The following TMEM196 variants were observed in gnomAD, a reference collection of about 807,000 sequenced individuals.
TMEM196 encodes the protein transmembrane protein 196.
A neutral mutation model predicts 20.0 loss-of-function variants in TMEM196; 17 were observed. The ratio of observed to expected loss-of-function variants is 0.85; its 90% CI spans 0.58 to 1.27. The LOEUF (loss-of-function observed/expected upper bound fraction) is 1.27. Among genes scored for constraint, TMEM196 ranks in the 50% most tolerant of loss-of-function variants. TMEM196 has a pLI of 0.00. For missense variants in TMEM196, 267 were observed against 223.0 expected, an observed-to-expected ratio of 1.20 and a Z score of -1.26; for synonymous variants, 113 against 88.9, an observed-to-expected ratio of 1.27 and a Z score of -1.52.
chr7:19,762,517 T>C (rs1351632383), intron 1 of TMEM196, among the ~76,000 whole-genome samples: 2 of 152,162 alleles, frequency 1.3e-5, no homozygotes, highest in Admixed American at 6.6e-5. Flanking sequence ...AGTGTATTTA[T>C]GTAACTTAAA....
At chr7:19,752,994 T>C (rs1785052442) in intron 1 of TMEM196, among the ~76,000 whole-genome samples, 1 of 152,148 alleles carries the variant, frequency 6.6e-6, no homozygotes, top group South Asian at 2.1e-4. Context: ...CCAAGCCAAT[T>C]TGACAACTGG....
intron 1 of TMEM196, among the ~76,000 whole-genome samples, chr7:19,736,601 A>G (rs981102643): frequency 1.1e-4 from 17 of 151,620 alleles, no homozygotes; most frequent in African/African-American, 4.1e-4. Flanking sequence ...AAGGTACAGA[A>G]TCCATTTCCC....
At chr7:19,757,346 T>TTC (rs1462539225) in intron 1 of TMEM196, among the ~76,000 whole-genome samples, 1 of 143,812 alleles carries the variant, frequency 7.0e-6, no homozygotes, top group Non-Finnish European at 1.5e-5. Flanking sequence ...GCTTTTTTTT[T>TTC]TTTTTTTTTT....
intron 4 of TMEM196, among the ~76,000 whole-genome samples, chr7:19,722,569 C>T (rs527684551): frequency 1.1e-4 from 17 of 152,124 alleles, no homozygotes; most frequent in Non-Finnish European, 2.2e-4. Context: ...TTGCTAAGAA[C>T]AGAAAAAGGC....
At chr7:19,744,425 A>G (rs893797450) in intron 1 of TMEM196, among the ~76,000 whole-genome samples, 4 of 152,194 alleles carry the variant, frequency 2.6e-5, no homozygotes, top group African/African-American at 9.6e-5. Context: ...AAGCAAAAAG[A>G]TTAAGCCTGA....
chr7:19,772,549 C>G lies in TMEM196; in HGVS notation c.147+1G>C, dbSNP rs556037054. The stretch of plus-strand genomic sequence containing the variant: ...CAACGTACACACACCCCGCTCCATA[C>G]CGGGGACGAGTCTCCGAGCTGCGGC... On this transcript the variant is annotated splice_donor_variant, in intron 1 of 4. Coordinates refer to ENST00000405844, the MANE Select transcript of TMEM196 (RefSeq NM_001363562.2). LOFTEE classifies it high-confidence loss of function. 57 of 1,541,918 alleles carry G rather than the reference C, an allele frequency of 3.7e-5. No individual in the cohort carries two copies. The South Asian group carries it at 4.2e-4, about 11-fold the overall frequency.
chr7:19,741,270 G>C (rs1333937536), intron 1 of TMEM196, among the ~76,000 whole-genome samples: 1 of 152,126 alleles, frequency 6.6e-6, no homozygotes, highest in Non-Finnish European at 1.5e-5. Flanking sequence ...TCATCTACTT[G>C]TTATATCCAG....
chr7:19,730,269 A>G (rs1220420100), intron 1 of TMEM196, among the ~76,000 whole-genome samples: 2 of 152,014 alleles, frequency 1.3e-5, no homozygotes, highest in Admixed American at 6.6e-5. Context: ...AAAGAAAAAA[A>G]AAAAAAAGAA....
chr7:19,738,743 C>T (rs936193261), intron 1 of TMEM196, among the ~76,000 whole-genome samples: 1 of 151,894 alleles, frequency 6.6e-6, no homozygotes, highest in Non-Finnish European at 1.5e-5. Context: ...CCAATGTGTA[C>T]AATAAATATC....
At chr7:19,752,577 G>A (rs921143055) in intron 1 of TMEM196, among the ~76,000 whole-genome samples, 2 of 150,994 alleles carry the variant, frequency 1.3e-5, no homozygotes, top group Non-Finnish European at 3.0e-5. Context: ...TTATTTTCTC[G>A]TTCAATTTTT....
intron 1 of TMEM196, among the ~76,000 whole-genome samples, chr7:19,746,081 C>T (rs1352212857): frequency 6.6e-6 from 1 of 152,050 alleles, no homozygotes; most frequent in African/African-American, 2.4e-5. Context: ...TGTTCTTTGA[C>T]CTACCTGGGA....
chr7:19,740,763 G>T (rs1053426017), intron 1 of TMEM196, among the ~76,000 whole-genome samples: 5 of 152,008 alleles, frequency 3.3e-5, no homozygotes, highest in African/African-American at 1.2e-4. Context: ...GGTTTTGCAT[G>T]TGGAATTGAA....
chr7:19,753,476 C>T (rs1473633132), intron 1 of TMEM196, among the ~76,000 whole-genome samples: 3 of 152,224 alleles, frequency 2.0e-5, no homozygotes, highest in Middle Eastern at 6.8e-3. Flanking sequence ...ATCTTTTCAA[C>T]CCATGTTTTT....
At position 19,721,445 on chromosome 7, in the gene TMEM196, T is replaced by C. The variant is rs959733335; in HGVS notation, c.*683A>G. 6.6e-6 allele frequency: 1 copy of C among 152,124 alleles called. No individual in the cohort carries two copies. Among genetic ancestry groups the C allele is most frequent in the Non-Finnish European group, 1.5e-5 (1 of 67,964 alleles). The allele number at this position is 152,124 out of a possible 1,614,324, so 9.4% of individuals were successfully genotyped here. A position where few individuals can be genotyped will look rare whatever the true frequency, so the allele number is the denominator to read the frequency against. On this transcript the variant is annotated 3_prime_UTR_variant, in exon 5 of 5. Transcript: ENST00000405844. ...AAAACATGTTTATTTTCTTAAATGA[T>C]ATTCACATATAACTTTTCACTCTTT... is the stretch of plus-strand genomic sequence containing the variant.
chr7:19,766,866 C>A (rs1354256497), intron 1 of TMEM196, among the ~76,000 whole-genome samples: 1 of 151,984 alleles, frequency 6.6e-6, no homozygotes, highest in Non-Finnish European at 1.5e-5. Context: ...TAGTTTGGTT[C>A]TATTCAAAGT....
At chr7:19,728,470 T>C (rs1432796922) in intron 2 of TMEM196, among the ~76,000 whole-genome samples, 1 of 152,172 alleles carries the variant, frequency 6.6e-6, no homozygotes, top group Non-Finnish European at 1.5e-5. Context: ...CAGTGAGGGC[T>C]TTAGCCTTTT....
chr7:19,725,801 G>A, intron 2 of TMEM196, 33 bp from the exon 3 acceptor site: 1 of 1,558,474 alleles, frequency 6.4e-7, no homozygotes, highest in East Asian at 2.3e-5. Flanking sequence ...CGTTAAAGTT[G>A]AAAAGGCAAA....
chr7:19,723,312 C>T (rs916106912), intron 4 of TMEM196, among the ~76,000 whole-genome samples: 20 of 151,582 alleles, frequency 1.3e-4, no homozygotes, highest in African/African-American at 4.8e-4. Flanking sequence ...TCCTGTTTTA[C>T]CTACTAGGAG....
In TMEM196 at chr7:19,719,818, A is replaced by G. The variant is rs1783756683; in HGVS notation, c.*2310T>C. 6.6e-6 allele frequency: 1 copy of G among 152,154 alleles called. No individual in the cohort carries two copies. The highest frequency in any genetic ancestry group is 1.5e-5 in the Non-Finnish European group (1 of 67,968). 9.4% of individuals were successfully genotyped at this position (152,154 alleles called of 1,614,324 possible). The stretch of plus-strand genomic sequence containing the variant: ...AATATATCTATACTTGGTTAAACAT[A>G]CACTGTAAACTATTTGAATAATTGT... On this transcript the variant is annotated 3_prime_UTR_variant, in exon 5 of 5. Transcript: ENST00000405844.
Sources: gnomAD v4.1 joint callset for allele counts (sites outside exome capture counted in the v4.1 genomes callset) on GRCh38, gnomAD v4.1.1 for gene constraint, MANE v1.5 for transcripts, NCBI Gene and HGNC (gene_info 2026-07-23, HGNC 2026-07-21) for gene names.